ADAM22: variants seen among roughly 807,000 people sequenced by gnomAD.
ADAM22 encodes ADAM metallopeptidase domain 22, also known as disintegrin and metalloproteinase domain-containing protein 22.
A neutral mutation model predicts 144.6 loss-of-function variants in ADAM22; 65 were observed. The ratio of observed to expected loss-of-function variants is 0.45; its 90% CI spans 0.37 to 0.55. The LOEUF (loss-of-function observed/expected upper bound fraction) is 0.55. ADAM22 is among the 20% of genes least tolerant of loss of function. ADAM22 has a pLI of 0.00. For missense variants in ADAM22, 974 were observed against 1,184.9 expected, an observed-to-expected ratio of 0.82 and a Z score of 2.61; for synonymous variants, 391 against 412.6, an observed-to-expected ratio of 0.95 and a Z score of 0.63.
At chr7:87,963,042 A>C (rs1172617152) in intron 2 of ADAM22, among the ~76,000 whole-genome samples, 1 of 152,210 alleles carries the variant, frequency 6.6e-6, no homozygotes, top group African/African-American at 2.4e-5. Flanking sequence ...TTGTCTTGTA[A>C]GATAATAACA....
intron 3 of ADAM22, among the ~76,000 whole-genome samples, chr7:88,068,318 G>A (rs1811827864): frequency 6.6e-6 from 1 of 152,062 alleles, no homozygotes; most frequent in Non-Finnish European, 1.5e-5. Context: ...AATGAAATTT[G>A]GATCCTTAAA....
At chr7:87,994,763 A>G (rs1790715008) in intron 3 of ADAM22, among the ~76,000 whole-genome samples, 1 of 152,156 alleles carries the variant, frequency 6.6e-6, no homozygotes, top group Admixed American at 6.5e-5. Context: ...CTGCCTAGTT[A>G]ATCACACAAG....
At chr7:87,966,503 C>A (rs1269009447) in intron 2 of ADAM22, among the ~76,000 whole-genome samples, 3 of 152,070 alleles carry the variant, frequency 2.0e-5, no homozygotes, top group Admixed American at 6.6e-5. Context: ...GGTAATGAGG[C>A]TGCCTGACTT....
chr7:88,034,112 TG>T (rs980675497), intron 3 of ADAM22, among the ~76,000 whole-genome samples: 1 of 152,078 alleles, frequency 6.6e-6, no homozygotes, highest in Non-Finnish European at 1.5e-5. Flanking sequence ...CTCAAGCAGA[TG>T]GAGTCCCTCC....
At chr7:88,007,436 G>A (rs865999763) in intron 3 of ADAM22, among the ~76,000 whole-genome samples, 5 of 152,198 alleles carry the variant, frequency 3.3e-5, no homozygotes, top group Middle Eastern at 6.8e-3. Flanking sequence ...AGCCCGCATT[G>A]CCAAGTCAAT....
intron 7 of ADAM22, among the ~76,000 whole-genome samples, 167 bp downstream of exon 7, chr7:88,116,981 C>T (rs527716097): frequency 6.0e-4 from 91 of 152,222 alleles, no homozygotes; most frequent in African/African-American, 2.0e-3. Context: ...GCAAACTGTC[C>T]TCACAGATGA....
rs1554478727 is a variant in ADAM22, at chr7:88,113,703, A to AATGTGTATATATATATATATATAT, written c.474-879_474-878insGTGTATATATATATATATATATAT. ...TATATATATTATAAATAAATAAATA[A>AATGTGTATATATATATATATATAT]ATATATATATATATATATATATATA... is the stretch of plus-strand genomic sequence containing the variant. On this transcript the variant is annotated intron_variant, in intron 5 of 31. Transcript: ENST00000413139. Among the ~76,000 whole-genome samples the AATGTGTATATATATATATATATAT allele has an allele frequency of 6.2e-5, 3 of 48,108 alleles. 1 individual carries two copies. Among genetic ancestry groups the AATGTGTATATATATATATATATAT allele is most frequent in the African/African-American group, 1.6e-4 (2 of 12,500 alleles). 31.6% of individuals were successfully genotyped at this position (48,108 alleles called of 152,430 possible).
rs183092936 is a variant in ADAM22, at chr7:88,097,195, A to C, written c.391-10981A>C. On this transcript the variant is annotated intron_variant, in intron 4 of 31. Transcript: ENST00000413139. ...GAGACAGAGTCTCACTCTGTCACCC[A>C]GGCTGGAGTACAGTGGCACCATCTC... Among the ~76,000 whole-genome samples, 16 of 136,502 alleles carry C rather than the reference A, an allele frequency of 1.2e-4. No individual in the cohort carries two copies. In the East Asian group the frequency reaches 3.4e-3, roughly 29 times the overall value. The allele number at this position is 136,502 out of a possible 152,430, so 89.6% of individuals were successfully genotyped here.
chr7:88,010,414 A>G (rs1440502452), intron 3 of ADAM22, among the ~76,000 whole-genome samples: 1 of 152,216 alleles, frequency 6.6e-6, no homozygotes, highest in Non-Finnish European at 1.5e-5. Flanking sequence ...GGTTGGAAGT[A>G]GCCTAAAGGT....
At chr7:87,977,616 A>G (rs1852203061) in intron 2 of ADAM22, among the ~76,000 whole-genome samples, 1 of 152,164 alleles carries the variant, frequency 6.6e-6, no homozygotes, top group Non-Finnish European at 1.5e-5. Flanking sequence ...CTTTCTTTTC[A>G]GTTAATTCAC....
At chr7:87,972,747 A>G (rs1007743775) in intron 2 of ADAM22, among the ~76,000 whole-genome samples, 3 of 152,224 alleles carry the variant, frequency 2.0e-5, no homozygotes, top group African/African-American at 7.2e-5. Context: ...GTATAGATCT[A>G]TAGATCAATG....
intron 30 of ADAM22, among the ~76,000 whole-genome samples, chr7:88,191,282 T>A (rs993081430): frequency 2.0e-5 from 3 of 152,242 alleles, no homozygotes; most frequent in African/African-American, 7.2e-5. Context: ...AGGCTGGCCA[T>A]TTGGACCCAT....
intron 3 of ADAM22, among the ~76,000 whole-genome samples, chr7:88,070,674 T>A (rs749886536): frequency 6.6e-6 from 1 of 152,158 alleles, no homozygotes; most frequent in African/African-American, 2.4e-5. Context: ...CACTGTCAAG[T>A]TGTTACTAGG....
At chr7:88,032,213 G>C (rs934440390) in intron 3 of ADAM22, among the ~76,000 whole-genome samples, 10 of 152,192 alleles carry the variant, frequency 6.6e-5, no homozygotes, top group African/African-American at 2.4e-4. Context: ...AAAAGCTGCA[G>C]GTACTCAACA....
chr7:87,981,430 C>T (rs1853389033), intron 3 of ADAM22, among the ~76,000 whole-genome samples: 1 of 152,100 alleles, frequency 6.6e-6, no homozygotes, highest in Non-Finnish European at 1.5e-5. Flanking sequence ...ATCCTTATAG[C>T]AGTCTTCTTT....
chr7:88,003,786 T>A (rs1292674610), intron 3 of ADAM22, among the ~76,000 whole-genome samples: 1 of 152,202 alleles, frequency 6.6e-6, no homozygotes, highest in African/African-American at 2.4e-5. Flanking sequence ...TAAAAAAAGT[T>A]TCTAAGGCCA....
intron 4 of ADAM22, among the ~76,000 whole-genome samples, chr7:88,100,889 G>A (rs1005457820): frequency 1.3e-5 from 2 of 151,888 alleles, no homozygotes; most frequent in African/African-American, 4.8e-5. Context: ...GATGCCAGTC[G>A]AGAGGGAGTT....
intron 5 of ADAM22, among the ~76,000 whole-genome samples, chr7:88,108,612 C>T (rs2129487814): frequency 6.6e-6 from 1 of 151,954 alleles, no homozygotes; most frequent in African/African-American, 2.4e-5. Flanking sequence ...ACCTGTAATC[C>T]CAGCTACTCG....
chr7:88,157,647 C>T (rs1219489072), intron 22 of ADAM22, among the ~76,000 whole-genome samples: 3 of 151,936 alleles, frequency 2.0e-5, no homozygotes, highest in Non-Finnish European at 2.9e-5. Context: ...GATAGTGAGG[C>T]GAAAGTCAAG....
Sources: gnomAD v4.1 joint callset for allele counts (sites outside exome capture counted in the v4.1 genomes callset) on GRCh38, gnomAD v4.1.1 for gene constraint, MANE v1.5 for transcripts, NCBI Gene and HGNC (gene_info 2026-07-23, HGNC 2026-07-21) for gene names.